Variants in TNFSF4 observed in about 807,000 individuals in gnomAD.
TNFSF4 encodes TNF superfamily member 4, also known as tumor necrosis factor ligand superfamily member 4.
TNFSF4 carries 4 observed loss-of-function variants against 7.3 expected under a neutral mutation model. The ratio of observed to expected loss-of-function variants is 0.55; its 90% CI spans 0.27 to 1.25. TNFSF4 has a LOEUF of 1.25. TNFSF4 is among the 50% of genes most tolerant of loss of function. The pLI, the probability that TNFSF4 is intolerant of heterozygous loss-of-function variation, is 0.12. For synonymous variants in TNFSF4, 76 were observed against 83.7 expected (o/e 0.91, Z 0.50); for missense variants, 181 against 208.8 (o/e 0.87, Z 0.82).
At chr1:173,181,081 G>A (rs1649048923), downstream of TNFSF4, among the ~76,000 whole-genome samples, 1 of 152,168 alleles carries the variant, frequency 6.6e-6, no homozygotes, top group Admixed American at 6.5e-5. Flanking sequence ...ATTATAGAAT[G>A]TTATACCTTG....
chr1:173,191,629 T>G (rs1356599856), intron 1 of TNFSF4, among the ~76,000 whole-genome samples: 1 of 152,202 alleles, frequency 6.6e-6, no homozygotes, highest in African/African-American at 2.4e-5. Context: ...TGTTCTGATC[T>G]CCTTGCACTT....
intron 1 of TNFSF4, among the ~76,000 whole-genome samples, chr1:173,192,232 C>G (rs763886329): frequency 5.9e-5 from 9 of 152,160 alleles, no homozygotes; most frequent in Non-Finnish European, 1.2e-4. Flanking sequence ...TCTCTGTATT[C>G]CCATACAAGT....
chr1:173,321,640 C>G, the TNFSF4 span, among the ~76,000 whole-genome samples: 7 of 151,166 alleles, frequency 4.6e-5, no homozygotes. Context: ...AAAAAAAAAC[C>G]ATCAGAAAGT....
the TNFSF4 span, among the ~76,000 whole-genome samples, chr1:173,386,061 G>A: frequency 1.3e-5 from 2 of 152,176 alleles, no homozygotes; most frequent in Non-Finnish European, 2.9e-5. Flanking sequence ...GCATTTCAGA[G>A]ATCTTCAAAG....
chr1:173,420,791 T>A, the TNFSF4 span, among the ~76,000 whole-genome samples: 2 of 152,242 alleles, frequency 1.3e-5, no homozygotes, highest in Non-Finnish European at 2.9e-5. Context: ...TAAGTCTTTC[T>A]CTTCCTCAAA....
the TNFSF4 span, among the ~76,000 whole-genome samples, chr1:173,383,138 A>C: frequency 3.9e-5 from 6 of 152,170 alleles, no homozygotes; most frequent in Admixed American, 6.5e-5. Context: ...GGGGGGATCT[A>C]ATTAGCTGCT....
At chr1:173,359,510 T>TAAAAAAAAAA in the TNFSF4 span, among the ~76,000 whole-genome samples, 3 of 122,740 alleles carry the variant, frequency 2.4e-5, no homozygotes, top group South Asian at 2.6e-4. Flanking sequence ...TTACCAGCTG[T>TAAAAAAAAAA]AAAAAAAAAA....
At chr1:173,289,083 G>C in the TNFSF4 span, among the ~76,000 whole-genome samples, 2 of 152,096 alleles carry the variant, frequency 1.3e-5, no homozygotes, top group East Asian at 1.9e-4. Context: ...GGAGCTCTGT[G>C]AGTTGAGGGG....
At chr1:173,321,514 A>C in the TNFSF4 span, among the ~76,000 whole-genome samples, 1 of 152,192 alleles carries the variant, frequency 6.6e-6, no homozygotes, top group East Asian at 1.9e-4. Context: ...TGTACAGCAA[A>C]AGAAACTATC....
At chr1:173,443,362 A>C in the TNFSF4 span, among the ~76,000 whole-genome samples, 6 of 152,342 alleles carry the variant, frequency 3.9e-5, no homozygotes, top group African/African-American at 1.4e-4. Flanking sequence ...ATAATGGTTA[A>C]ATAAATTTTG....
the TNFSF4 span, among the ~76,000 whole-genome samples, chr1:173,332,546 A>G: frequency 2.0e-5 from 3 of 151,318 alleles, no homozygotes; most frequent in African/African-American, 2.4e-5. Context: ...AAATAAATTA[A>G]TTAATTAAAT....
rs534726008 is a variant in TNFSF4, at chr1:173,184,301, A to T, written c.*2215T>A. ...TTTCCCACAAAACTCTGCCATGTAT[A>T]TCGAAGGGTTAATTCTCCCTGTGAA... On this transcript the variant is annotated 3_prime_UTR_variant, in exon 3 of 3. Coordinates refer to ENST00000281834, the MANE Select transcript of TNFSF4 (RefSeq NM_003326.5). 2 of 152,224 alleles carry T rather than the reference A, an allele frequency of 1.3e-5. No homozygotes were observed. Among genetic ancestry groups the T allele is most frequent in the Non-Finnish European group, 2.9e-5 (2 of 68,048 alleles). The allele number at this position is 152,224 out of a possible 1,614,324, so 9.4% of individuals were successfully genotyped here.
intron 1 of TNFSF4, chr1:173,205,327 C>T (rs1346768550): frequency 1.2e-6 from 2 of 1,612,092 alleles, no homozygotes; most frequent in Non-Finnish European, 1.7e-6. Flanking sequence ...GTTTAGTGTC[C>T]TAGAAACCAG....
the TNFSF4 span, among the ~76,000 whole-genome samples, chr1:173,228,407 C>A: frequency 6.6e-6 from 1 of 152,112 alleles, no homozygotes. Flanking sequence ...GAAAGGACAT[C>A]CACACCAAAA....
chr1:173,308,330 T>TGTGTGTGTG, the TNFSF4 span, among the ~76,000 whole-genome samples: 1 of 151,054 alleles, frequency 6.6e-6, no homozygotes, highest in Admixed American at 6.6e-5. Context: ...TGTGTGTGTG[T>TGTGTGTGTG]TTTATTGAGA....
At chr1:173,234,591 T>C in the TNFSF4 span, among the ~76,000 whole-genome samples, 1 of 152,096 alleles carries the variant, frequency 6.6e-6, no homozygotes, top group Admixed American at 6.6e-5. Flanking sequence ...GTGGCACATA[T>C]ACCCCATGGA....
the TNFSF4 span, among the ~76,000 whole-genome samples, chr1:173,381,145 T>C: frequency 6.6e-6 from 1 of 152,144 alleles, no homozygotes; most frequent in Non-Finnish European, 1.5e-5. Context: ...TCTCAAAGGA[T>C]TTCTCAGACA....
At chr1:173,202,638 C>A (rs1649994204) in intron 1 of TNFSF4, among the ~76,000 whole-genome samples, 1 of 152,084 alleles carries the variant, frequency 6.6e-6, no homozygotes, top group African/African-American at 2.4e-5. Context: ...GGAGAGGTAA[C>A]AATGTTGGTA....
chr1:173,220,186 T>TA, the TNFSF4 span, among the ~76,000 whole-genome samples: 26 of 151,994 alleles, frequency 1.7e-4, no homozygotes, highest in African/African-American at 4.1e-4. Context: ...AAGTTTTTTT[T>TA]AAAAAAAAGC....
Sources: allele counts gnomAD v4.1 joint callset (sites outside exome capture counted in the v4.1 genomes callset), GRCh38; gene constraint gnomAD v4.1.1; transcripts MANE v1.5; gene names NCBI Gene and HGNC (gene_info 2026-07-23, HGNC 2026-07-21).